UHRF2: variants seen among roughly 807,000 people sequenced by gnomAD.
The protein encoded by UHRF2 is ubiquitin like with PHD and ring finger domains 2, also known as E3 ubiquitin-protein ligase UHRF2.
Under a neutral mutation model 96.8 loss-of-function variants are expected in UHRF2, and 23 were observed. That is an observed-to-expected ratio of 0.24 (90% CI 0.17 to 0.34). The LOEUF is 0.34. Among genes scored for constraint, UHRF2 ranks in the 10% least tolerant of loss-of-function variants. The pLI is 1.00. For missense variants in UHRF2, 685 were observed against 981.5 expected (o/e 0.70, Z 4.04); for synonymous variants, 385 against 332.6 (o/e 1.16, Z -1.72).
chr9:6,439,913 G>C (rs191704766), intron 3 of UHRF2, among the ~76,000 whole-genome samples: 8 of 152,258 alleles, frequency 5.3e-5, no homozygotes, highest in African/African-American at 1.7e-4. Context: ...TAAGGTAATA[G>C]AGGCAATTAT....
intron 13 of UHRF2, 34 bp downstream of exon 13, chr9:6,499,965 A>C: frequency 1.3e-5 from 18 of 1,420,710 alleles, no homozygotes; most frequent in Non-Finnish European, 1.5e-5. Flanking sequence ...AATAATAATA[A>C]CATACTTTTG....
chr9:6,462,374 G>T (rs1357354969), intron 4 of UHRF2, among the ~76,000 whole-genome samples: 2 of 151,484 alleles, frequency 1.3e-5, no homozygotes, highest in African/African-American at 4.9e-5. Context: ...ACATTTTAGA[G>T]AACAGATTTC....
intron 9 of UHRF2, chr9:6,492,784 A>T (rs1824737271): frequency 6.8e-6 from 1 of 147,770 alleles, no homozygotes; most frequent in African/African-American, 2.5e-5. Flanking sequence ...AGACAATAAT[A>T]TCCATATAAA....
At chr9:6,454,405 A>C (rs768864158) in intron 3 of UHRF2, among the ~76,000 whole-genome samples, 1 of 152,146 alleles carries the variant, frequency 6.6e-6, no homozygotes, top group Non-Finnish European at 1.5e-5. Context: ...TAAGTGTTAG[A>C]TCTGTTGTGG....
rs2130985427 is a variant in UHRF2, at chr9:6,506,713, T to C, written c.*534T>C. On this transcript the variant is annotated 3_prime_UTR_variant, in exon 16 of 16. Coordinates refer to ENST00000276893, the MANE Select transcript of UHRF2 (RefSeq NM_152896.3). ...ACAGGTTCATTTTTTTTAGCCCACT[T>C]TGTGAACTCCATTGTGCTTTTTTCT... is the stretch of plus-strand genomic sequence containing the variant. The C allele has an allele frequency of 6.5e-6, 1 of 152,974 alleles. No individual in the cohort carries two copies. The highest frequency in any genetic ancestry group is 1.5e-5 in the Non-Finnish European group (1 of 68,180). 9.5% of individuals were successfully genotyped at this position (152,974 alleles called of 1,614,324 possible).
chr9:6,446,244 A>C (rs1821494866), intron 3 of UHRF2, among the ~76,000 whole-genome samples: 1 of 151,442 alleles, frequency 6.6e-6, no homozygotes, highest in Non-Finnish European at 1.5e-5. Flanking sequence ...TCCGCCTCCC[A>C]GGTTCAAGCG....
intron 8 of UHRF2, among the ~76,000 whole-genome samples, chr9:6,484,418 C>T (rs1169581138): frequency 6.7e-6 from 1 of 148,178 alleles, no homozygotes; most frequent in Non-Finnish European, 1.5e-5. Flanking sequence ...CTCCCTCCTC[C>T]CTCCTCCCTC....
intron 4 of UHRF2, among the ~76,000 whole-genome samples, chr9:6,465,415 A>C (rs902320679): frequency 6.6e-6 from 1 of 152,198 alleles, no homozygotes; most frequent in African/African-American, 2.4e-5. Context: ...ACTTCTCAAT[A>C]AAGTCATCTG....
chr9:6,433,028 A>G (rs1326840654), intron 2 of UHRF2, among the ~76,000 whole-genome samples: 1 of 151,940 alleles, frequency 6.6e-6, no homozygotes, highest in East Asian at 1.9e-4. Flanking sequence ...TTTAGTAGAG[A>G]CGGGGTTTCA....
chr9:6,459,061 C>G (rs1376761800), intron 3 of UHRF2, among the ~76,000 whole-genome samples: 1 of 152,048 alleles, frequency 6.6e-6, no homozygotes, highest in African/African-American at 2.4e-5. Context: ...ACAGAGGGGC[C>G]TGTCGGAGGG....
At chr9:6,433,867 C>A in intron 2 of UHRF2, 47 bp from the exon 3 acceptor site, 1 of 1,568,838 alleles carries the variant, frequency 6.4e-7, no homozygotes, top group South Asian at 1.2e-5. Flanking sequence ...GTTTTTGAAG[C>A]AGTAGACAAA....
At position 6,420,912 on chromosome 9, in the gene UHRF2, T is replaced by C. The variant is rs981690346; in HGVS notation, c.154T>C (p.Leu52=). 6.2e-7 allele frequency: 1 copy of C among 1,608,384 alleles called. No individual in the cohort carries two copies. ...CQRLFYRGKQ[L]ENGYTLFDYD... ...TCACTATTCTTTCTTTATTTTCTAG[T>C]TGGAAAATGGATATACCTTATTTGA... The change falls in exon 2 of 16, where the codon TTG becomes CTG. Residue 52 remains leucine (L), a splice_region_variant and synonymous_variant. Transcript: ENST00000276893.
At chr9:6,481,836 G>A in intron 7 of UHRF2, 70 bp downstream of exon 7, 2 of 1,547,176 alleles carry the variant, frequency 1.3e-6, no homozygotes, top group Admixed American at 2.0e-5. Context: ...ACCAATAGTA[G>A]TAATGGTATA....
At chr9:6,499,975 G>T in intron 13 of UHRF2, 44 bp downstream of exon 13, 2 of 1,342,838 alleles carry the variant, frequency 1.5e-6, no homozygotes, top group Middle Eastern at 1.9e-4. Context: ...ACATACTTTT[G>T]TTGTTGTTGT....
chr9:6,446,183 G>C (rs534602501), intron 3 of UHRF2, among the ~76,000 whole-genome samples: 1 of 149,410 alleles, frequency 6.7e-6, no homozygotes, highest in Middle Eastern at 3.4e-3. Flanking sequence ...ATACAGTCTT[G>C]CTCTGTCACC....
intron 10 of UHRF2, chr9:6,496,408 C>G (rs1038366037): frequency 6.6e-6 from 1 of 152,110 alleles, no homozygotes; most frequent in Non-Finnish European, 1.5e-5. Context: ...TAGGTTCTCC[C>G]AAGAGTAAGG....
intron 9 of UHRF2, among the ~76,000 whole-genome samples, chr9:6,489,472 G>A (rs1256595198): frequency 6.6e-6 from 1 of 152,204 alleles, no homozygotes; most frequent in Non-Finnish European, 1.5e-5. Context: ...TGCATGTTTA[G>A]TTGTTTAAAG....
rs187239411 is a variant in UHRF2, at chr9:6,421,084, A to G, written c.326A>G (p.Asn109Ser). The change falls in exon 2 of 16, where the codon AAT (asparagine) becomes AGT (serine). Residue 109 changes from asparagine (N) to serine (S), a missense_variant. Physicochemically the swap from Asn to Ser is conservative, Grantham distance 46. Transcript: ENST00000276893. ...AAAGCTCCGAGGGTAGGACCTTCCAATCAGCCATCTACATCAGCTCGTGCC... is the reference window on the plus strand; with the variant it reads ...AAAGCTCCGAGGGTAGGACCTTCCAGTCAGCCATCTACATCAGCTCGTGCC... ...VKKAPRVGPS[N>S]QPSTSARARL... 141 of 1,614,132 alleles carry G rather than the reference A, an allele frequency of 8.7e-5. No homozygotes were observed. Among genetic ancestry groups the G allele is most frequent in the Middle Eastern group, 1.6e-4 (1 of 6,062 alleles).
rs187747392 is a variant in UHRF2, at chr9:6,488,425, T to C, written c.1497+1500T>C. 2.5e-3 allele frequency among the ~76,000 whole-genome samples: 376 copies of C among 151,662 alleles called. 2 individuals are homozygous for C. The highest frequency in any genetic ancestry group is 8.8e-3 in the African/African-American group (363 of 41,442). ...ACACTATACAGTCAGGCTGAACATT[T>C]ATATTACCACAGTTTCCATTATTGT... On this transcript the variant is annotated intron_variant, in intron 9 of 15. Transcript: ENST00000276893.
Sources: gnomAD v4.1 joint callset for allele counts (sites outside exome capture counted in the v4.1 genomes callset) on GRCh38, gnomAD v4.1.1 for gene constraint, MANE v1.5 for transcripts, NCBI Gene and HGNC (gene_info 2026-07-23, HGNC 2026-07-21) for gene names.